PLTP: variants seen among roughly 807,000 people sequenced by gnomAD.
PLTP encodes the protein BPI fold containing family E.
PLTP carries 43 observed loss-of-function variants against 54.1 expected under a neutral mutation model. That is an observed-to-expected ratio of 0.79 (90% CI 0.62 to 1.02). The LOEUF is 1.02. Ranked by LOEUF, PLTP falls within the 50% of genes least tolerant of loss-of-function variation. The probability of loss-of-function intolerance (pLI) is 0.00; values close to 1 mark genes in which losing one functional copy is unlikely to be tolerated. For synonymous variants in PLTP, 263 were observed against 264.6 expected (o/e 0.99, Z 0.06); for missense variants, 604 against 645.9 (o/e 0.94, Z 0.70).
At chr20:45,910,961 T>G in intron 3 of PLTP, 191 bp downstream of exon 3, 1 of 1,470,224 alleles carries the variant, frequency 6.8e-7, no homozygotes, top group Non-Finnish European at 9.0e-7. Flanking sequence ...CCCATCTGCC[T>G]GGTCCCGCCT....
At chr20:45,899,812 G>GCCCCCCCCCCCCCCCC in intron 13 of PLTP, 24 bp downstream of exon 13, 2 of 309,322 alleles carry the variant, frequency 6.5e-6, no homozygotes, top group Non-Finnish European at 1.2e-5. Context: ...ACCCAGCCCA[G>GCCCCCCCCCCCCCCCC]CCCACCCACC....
At position 45,906,393 on chromosome 20, in the gene PLTP, G is replaced by C. The variant is rs574511240; in HGVS notation, c.614-34C>G. 2.5e-5 allele frequency: 39 copies of C among 1,550,006 alleles called. No homozygotes were observed. In the South Asian group the frequency reaches 4.3e-4, roughly 17 times the overall value. On this transcript the variant is annotated intron_variant, in intron 7 of 15. Transcript: ENST00000372431. ...AGGGGCTCAAGTCACTCACGGCTGTGTGATGTGGGATAAGGTGCTTAACCT... is the reference window on the plus strand; with the variant it reads ...AGGGGCTCAAGTCACTCACGGCTGTCTGATGTGGGATAAGGTGCTTAACCT...
intron 3 of PLTP, 88 bp from the exon 4 acceptor site, chr20:45,910,158 C>T: frequency 6.8e-7 from 1 of 1,463,190 alleles, no homozygotes; most frequent in Non-Finnish European, 9.5e-7. Flanking sequence ...CTTTCAAGTC[C>T]AGGCCTGGGG....
chr20:45,903,519 C>T (rs987266882), intron 10 of PLTP, among the ~76,000 whole-genome samples: 4 of 152,198 alleles, frequency 2.6e-5, no homozygotes, highest in African/African-American at 4.8e-5. Context: ...CGTGAGCCAC[C>T]GTGCCTGGCC....
At chr20:45,908,962 AT>A (rs772186266) in intron 5 of PLTP, among the ~76,000 whole-genome samples, 5,512 of 117,888 alleles carry the variant, frequency 0.047, 227 homozygotes, top group African/African-American at 0.17. Flanking sequence ...GCTGTTCTAA[AT>A]TTTTTTTTTT....
intron 3 of PLTP, 173 bp downstream of exon 3, chr20:45,910,979 C>A: frequency 1.3e-6 from 2 of 1,501,166 alleles, no homozygotes; most frequent in South Asian, 1.3e-5. Flanking sequence ...CCTATGATGA[C>A]TGGCTTGGCC....
intron 2 of PLTP, 34 bp from the exon 3 acceptor site, chr20:45,911,285 G>C (rs1253609065): frequency 6.2e-7 from 1 of 1,613,120 alleles, no homozygotes; most frequent in Non-Finnish European, 8.5e-7. Context: ...CTTAGCTCCC[G>C]TGCCCACTGT....
rs2145841334 is a variant in PLTP, at chr20:45,909,927, G to A, written c.329+15C>T. 1.9e-6 allele frequency: 3 copies of A among 1,613,876 alleles called. No homozygotes were observed. The highest frequency in any genetic ancestry group is 2.5e-6 in the Non-Finnish European group (3 of 1,179,918). ...TGACCCACTCTCCACTCCCCTGAGG[G>A]TGCTGGGTCCTTACAAGAACCAGTA... is the stretch of plus-strand genomic sequence containing the variant. On this transcript the variant is annotated intron_variant, in intron 4 of 15. Coordinates refer to ENST00000372431, the MANE Select transcript of PLTP (RefSeq NM_006227.4).
At chr20:45,905,808 C>T (rs1330476173) in intron 8 of PLTP, among the ~76,000 whole-genome samples, 1 of 152,236 alleles carries the variant, frequency 6.6e-6, no homozygotes, top group Non-Finnish European at 1.5e-5. Flanking sequence ...GTAGTGGCTA[C>T]ACACTGGCTA....
Position 45,906,232 on chromosome 20 carries a change from G to T in PLTP, c.705+36C>A, listed in dbSNP as rs868043674. ...TTAGCAGAGAAAGAGGTCTTGTTAG[G>T]AAGTCAGAGGTCATACACCAGCCCA... On this transcript the variant is annotated intron_variant, in intron 8 of 15. Coordinates refer to ENST00000372431, the MANE Select transcript of PLTP (RefSeq NM_006227.4). The T allele has an allele frequency of 3.5e-6, 5 of 1,422,414 alleles. No individual in the cohort carries two copies. The Middle Eastern group carries it at 8.8e-4, about 249-fold the overall frequency. The allele number at this position is 1,422,414 out of a possible 1,614,324, so 88.1% of individuals were successfully genotyped here. A position where few individuals can be genotyped will look rare whatever the true frequency, so the allele number is the denominator to read the frequency against.
rs769490640 is a variant in PLTP, at chr20:45,905,055, G to T, written c.769C>A (p.Leu257Met). The T allele has an allele frequency of 3.1e-6, 5 of 1,614,228 alleles. No homozygotes were observed. The highest frequency in any genetic ancestry group is 4.2e-6 in the Non-Finnish European group (5 of 1,180,034). Reference protein sequence around the residue: ...SLPNRAVEPQLQEEERMVYVA... With the variant: ...SLPNRAVEPQMQEEERMVYVA... ...TACACCATCCGCTCTTCCTCCTGCA[G>T]CTGGGGCTCCACTGCCCGGTTGGGG... The change falls in exon 9 of 16, where the codon CTG becomes ATG. Residue 257 changes from leucine (L) to methionine (M), a missense_variant. By Grantham distance (15) the Leu-to-Met change is conservative. Transcript: ENST00000372431.
intron 13 of PLTP, 40 bp from the exon 14 acceptor site, chr20:45,899,725 G>C: frequency 6.2e-7 from 1 of 1,613,188 alleles, no homozygotes; most frequent in South Asian, 1.1e-5. Context: ...GTGAGTCAGG[G>C]TTGGGTTTGC....
rs368810601 is a variant in PLTP, at chr20:45,902,271, G to A, written c.1171C>T (p.Arg391Cys). 2.8e-5 allele frequency: 45 copies of A among 1,613,734 alleles called. 1 individual carries two copies. The East Asian group carries it at 3.6e-4, about 13-fold the overall frequency. Residue 391 changes from arginine (R) to cysteine (C), a missense_variant, in exon 12 of 16, where the codon CGC becomes TGC. Transcript: ENST00000372431. ...GKALRTQLDL[R>C]RFRIYSNHSA... Reference sequence around the variant, plus strand: ...CAGGGAAGTGCGCCTGCCTACCTGCGCAGGTCCAGCTGCGTGCGCAGGGCC... The same window carrying A: ...CAGGGAAGTGCGCCTGCCTACCTGCACAGGTCCAGCTGCGTGCGCAGGGCC...
Position 45,899,606 on chromosome 20 carries a change from C to G in PLTP, c.1282+16G>C. The stretch of plus-strand genomic sequence containing the variant: ...CACCCCTCCTTTCTTCCTCCATCCT[C>G]ACACCCCAGCCTTACCATTGAGCAT... On this transcript the variant is annotated intron_variant, in intron 14 of 15. Coordinates refer to ENST00000372431, the MANE Select transcript of PLTP (RefSeq NM_006227.4). 1 of 1,614,148 alleles carries G rather than the reference C, an allele frequency of 6.2e-7. No homozygotes were observed. Among genetic ancestry groups the G allele is most frequent in the South Asian group, 1.1e-5 (1 of 91,078 alleles).
At chr20:45,901,996 T>C (rs1313427962) in intron 12 of PLTP, among the ~76,000 whole-genome samples, 3 of 152,124 alleles carry the variant, frequency 2.0e-5, no homozygotes, top group African/African-American at 7.2e-5. Context: ...TCAAAACCCA[T>C]GTTCTGATCT....
At chr20:45,902,715 A>G (rs2083199178) in intron 10 of PLTP, 111 bp from the exon 11 acceptor site, 9 of 1,134,712 alleles carry the variant, frequency 7.9e-6, no homozygotes, top group Non-Finnish European at 1.1e-5. Context: ...GGACTCTCAT[A>G]TTGCAAATAC....
At chr20:45,909,421 T>G (rs2083269011) in intron 5 of PLTP, 95 bp downstream of exon 5, 1 of 1,359,706 alleles carries the variant, frequency 7.4e-7, no homozygotes, top group Non-Finnish European at 1.0e-6. Context: ...TGGACCCAGT[T>G]GGTCTGATTC....
At chr20:45,899,799 C>G in intron 13 of PLTP, 37 bp downstream of exon 13, 1 of 1,498,712 alleles carries the variant, frequency 6.7e-7, no homozygotes, top group Non-Finnish European at 9.1e-7. Context: ...CAGGATCTCA[C>G]GAACCCAGCC....
intron 2 of PLTP, 36 bp from the exon 3 acceptor site, chr20:45,911,287 G>A: frequency 6.2e-7 from 1 of 1,613,244 alleles, no homozygotes; most frequent in Non-Finnish European, 8.5e-7. Context: ...TAGCTCCCGT[G>A]CCCACTGTTG....
Sources: allele counts gnomAD v4.1 joint callset (sites outside exome capture counted in the v4.1 genomes callset), GRCh38; gene constraint gnomAD v4.1.1; transcripts MANE v1.5; gene names NCBI Gene and HGNC (gene_info 2026-07-23, HGNC 2026-07-21).